SLC46A3: variants seen among roughly 807,000 people sequenced by gnomAD.
SLC46A3 encodes solute carrier family 46 member 3.
SLC46A3 carries 26 observed loss-of-function variants against 38.5 expected under a neutral mutation model. The observed-to-expected ratio is 0.68, with a 90% CI of 0.49 to 0.94. The LOEUF (loss-of-function observed/expected upper bound fraction) is 0.94, where lower values mean the gene tolerates loss of function less well. Ranked by LOEUF, SLC46A3 falls within the 40% of genes least tolerant of loss-of-function variation. The pLI is 0.00. For missense variants in SLC46A3, 510 were observed against 544.3 expected, an observed-to-expected ratio of 0.94 and a Z score of 0.63; for synonymous variants, 185 against 192.5, an observed-to-expected ratio of 0.96 and a Z score of 0.32.
At position 28,700,542 on chromosome 13, in the gene SLC46A3, C is replaced by A; in HGVS notation, c.*955G>T. The stretch of plus-strand genomic sequence containing the variant: ...GTACAAGATCGTATTTTAAAAATGC[C>A]CTTAGCAGTATTTATAATTGAACAA... On this transcript the variant is annotated 3_prime_UTR_variant, in exon 6 of 6. Coordinates refer to ENST00000266943, the MANE Select transcript of SLC46A3 (RefSeq NM_181785.4). 6.1e-6 allele frequency: 1 copy of A among 164,716 alleles called. No homozygotes were observed. Among genetic ancestry groups the A allele is most frequent in the Non-Finnish European group, 1.3e-5 (1 of 76,212 alleles). 10.2% of individuals were successfully genotyped at this position (164,716 alleles called of 1,614,324 possible). A position where few individuals can be genotyped will look rare whatever the true frequency, so the allele number is the denominator to read the frequency against.
intron 3 of SLC46A3, among the ~76,000 whole-genome samples, chr13:28,711,279 C>T (rs1476530208): frequency 6.6e-6 from 1 of 152,076 alleles, no homozygotes; most frequent in Non-Finnish European, 1.5e-5. Context: ...ACAAAATTAG[C>T]CAGGCGTGGT....
At position 28,710,825 on chromosome 13, in the gene SLC46A3, A is replaced by G; in HGVS notation, c.1079T>C (p.Phe360Ser). 1 of 1,613,942 alleles carries G rather than the reference A, an allele frequency of 6.2e-7. No homozygotes were observed. The highest frequency in any genetic ancestry group is 1.1e-5 in the South Asian group (1 of 91,022). ...TAGAACAGAGAATGGCACAATAGTG[A>G]AAAGGAACGGCACCCTGGCTGTGAG... ...MMFLARVPFL[F>S]TIVPFSVLRS... Residue 360 changes from phenylalanine (F) to serine (S), a missense_variant, in exon 4 of 6, where the codon TTC becomes TCC. Physicochemically the swap from Phe to Ser is radical, Grantham distance 155 (BLOSUM62 -2). Transcript: ENST00000266943.
At chr13:28,701,951 T>C (rs1285620642) in intron 5 of SLC46A3, among the ~76,000 whole-genome samples, 1 of 152,140 alleles carries the variant, frequency 6.6e-6, no homozygotes, top group Non-Finnish European at 1.5e-5. Context: ...ATTTTTAAAA[T>C]ATTGAGCAGT....
intron 4 of SLC46A3, among the ~76,000 whole-genome samples, chr13:28,709,121 A>T (rs1472996098): frequency 1.3e-5 from 2 of 152,010 alleles, no homozygotes; most frequent in Non-Finnish European, 2.9e-5. Context: ...CAGGAGTTTG[A>T]GACCAGCCTG....
chr13:28,710,662 A>C (rs950023481), intron 4 of SLC46A3, 98 bp downstream of exon 4: 1 of 909,478 alleles, frequency 1.1e-6, no homozygotes, highest in Non-Finnish European at 1.7e-6. Context: ...GTGCATAAAA[A>C]GGGCTGTAGA....
chr13:28,701,699 G>A, intron 5 of SLC46A3, 118 bp from the exon 6 acceptor site: 1 of 885,214 alleles, frequency 1.1e-6, no homozygotes, highest in South Asian at 1.8e-5. Context: ...CAGATTATTA[G>A]GAGGAGTATC....
intron 4 of SLC46A3, among the ~76,000 whole-genome samples, chr13:28,707,405 TGGGGGGAGGGAGGA>T (rs1885205446): frequency 3.1e-5 from 1 of 31,794 alleles, no homozygotes; most frequent in Non-Finnish European, 5.4e-5. Flanking sequence ...TGTCGTGGAG[TGGGGGGAGGGAGGA>T]GGGGGGAGGG....
In SLC46A3 at chr13:28,701,480, G is replaced by T. The variant is rs1332373376; in HGVS notation, c.*17C>A. 8.1e-6 allele frequency: 13 copies of T among 1,603,248 alleles called. No individual in the cohort carries two copies. The highest frequency in any genetic ancestry group is 1.7e-4 in the Middle Eastern group (1 of 5,964). On this transcript the variant is annotated 3_prime_UTR_variant, in exon 6 of 6. Transcript: ENST00000266943. ...ATATGTGCATTCATAGATTTTTTTT[G>T]TTTGTTTAAATCACAGTCACCTGTC...
At chr13:28,703,126 A>G (rs1885076590) in intron 5 of SLC46A3, among the ~76,000 whole-genome samples, 2 of 152,232 alleles carry the variant, frequency 1.3e-5, no homozygotes, top group South Asian at 4.1e-4. Context: ...TCTATCCATT[A>G]TATGTACTAT....
At chr13:28,708,101 A>G (rs1885228959) in intron 4 of SLC46A3, among the ~76,000 whole-genome samples, 1 of 152,212 alleles carries the variant, frequency 6.6e-6, no homozygotes. Flanking sequence ...ACATTTGCAT[A>G]GGTTTCACTT....
At chr13:28,703,822 T>C in intron 5 of SLC46A3, 121 bp downstream of exon 5, 1 of 800,948 alleles carries the variant, frequency 1.2e-6, no homozygotes, top group Non-Finnish European at 2.0e-6. Flanking sequence ...TGTCTAAAAG[T>C]TCTTGAGAAA....
In SLC46A3 at chr13:28,703,937, A is replaced by G; in HGVS notation, c.1301+6T>C. 1 of 1,609,962 alleles carries G rather than the reference A, an allele frequency of 6.2e-7. No individual in the cohort carries two copies. The highest frequency in any genetic ancestry group is 8.5e-7 in the Non-Finnish European group (1 of 1,177,950). ...TCTGATAAAATGATTAAAAATAATG[A>G]CATACCATAGACTGATGGCTGGAAG... On this transcript the variant is annotated splice_donor_region_variant and intron_variant, in intron 5 of 5. Transcript: ENST00000266943.
Position 28,712,636 on chromosome 13 carries a change from A to C in SLC46A3, c.1060+44T>G, listed in dbSNP as rs138138203. The C allele has an allele frequency of 3.1e-5, 47 of 1,492,204 alleles. No individual in the cohort carries two copies. In the African/African-American group the frequency reaches 6.1e-4, roughly 19 times the overall value. The allele number at this position is 1,492,204 out of a possible 1,614,324, so 92.4% of individuals were successfully genotyped here. On this transcript the variant is annotated intron_variant, in intron 3 of 5. Transcript: ENST00000266943. ...AGTAGACTAAATTCATTTTATATGAATATCAAATACATAGTTAGTTCTAAA... is the reference window on the plus strand; with the variant it reads ...AGTAGACTAAATTCATTTTATATGACTATCAAATACATAGTTAGTTCTAAA...
chr13:28,709,421 A>G (rs182225939), intron 4 of SLC46A3, among the ~76,000 whole-genome samples: 1 of 152,360 alleles, frequency 6.6e-6, no homozygotes, highest in East Asian at 1.9e-4. Context: ...GTAAAAATAC[A>G]ACAGCATAAT....
rs759987124 is a variant in SLC46A3 at position 28,712,848 on chromosome 13, C to G, written c.892G>C (p.Gly298Arg). 53 of 1,611,374 alleles carry G rather than the reference C, an allele frequency of 3.3e-5. No homozygotes were observed. The highest frequency in any genetic ancestry group is 4.4e-5 in the Non-Finnish European group (52 of 1,179,482). ...SPLCWNEVFI[G>R]YGSALGSASF... is the part of the protein sequence containing the mutation. ...GCACTACCCAAAGCTGATCCATAAC[C>G]TATAAAAACTTCATTCCAGCAGAGT... The change falls in exon 3 of 6, where the codon GGT becomes CGT. Residue 298 changes from glycine (G) to arginine (R), a missense_variant. Coordinates refer to ENST00000266943, the MANE Select transcript of SLC46A3 (RefSeq NM_181785.4).
At position 28,701,740 on chromosome 13, in the gene SLC46A3, T is replaced by C. The variant is rs2276411; in HGVS notation, c.1302-159A>G. On this transcript the variant is annotated intron_variant, in intron 5 of 5. Transcript: ENST00000266943. The stretch of plus-strand genomic sequence containing the variant: ...ATTTTGAATCCAGCTGACTCATGCA[T>C]GGTGTTCTTAAAATAATTTTAAAAC... Among the ~76,000 whole-genome samples, 237 of 152,328 alleles carry C rather than the reference T, an allele frequency of 1.6e-3. 1 individual carries two copies. The East Asian group carries it at 0.035, about 22-fold the overall frequency.
At position 28,704,518 on chromosome 13, in the gene SLC46A3, C is replaced by T. The variant is rs1422800333; in HGVS notation, c.1145-419G>A. 1.4e-4 allele frequency: 22 copies of T among 155,340 alleles called. No individual in the cohort carries two copies. In the South Asian group the frequency reaches 3.6e-3, roughly 26 times the overall value. 9.6% of individuals were successfully genotyped at this position (155,340 alleles called of 1,614,324 possible). A position where few individuals can be genotyped will look rare whatever the true frequency, so the allele number is the denominator to read the frequency against. On this transcript the variant is annotated intron_variant, in intron 4 of 5. Coordinates refer to ENST00000266943, the MANE Select transcript of SLC46A3 (RefSeq NM_181785.4). Reference sequence around the variant, plus strand: ...TGCTAATCTGTGACACCTGAAAGCACAGGATGGCTCCTAACAAGCAATGCT... The same window carrying T: ...TGCTAATCTGTGACACCTGAAAGCATAGGATGGCTCCTAACAAGCAATGCT...
chr13:28,715,441 C>T (rs553588539), intron 2 of SLC46A3, among the ~76,000 whole-genome samples: 1 of 152,334 alleles, frequency 6.6e-6, no homozygotes, highest in Admixed American at 6.5e-5. Context: ...TCCAAGAGGG[C>T]AAGAGCAGCA....
chr13:28,718,206 C>T (rs928249916), intron 1 of SLC46A3, among the ~76,000 whole-genome samples, 184 bp from the exon 2 acceptor site: 1 of 152,218 alleles, frequency 6.6e-6, no homozygotes, highest in African/African-American at 2.4e-5. Context: ...TCTGTAACAA[C>T]CTGAGGCTGC....
Sources: allele counts gnomAD v4.1 joint callset (sites outside exome capture counted in the v4.1 genomes callset), GRCh38; gene constraint gnomAD v4.1.1; transcripts MANE v1.5; gene names NCBI Gene and HGNC (gene_info 2026-07-23, HGNC 2026-07-21).